The following MED1 variants were observed in gnomAD, a reference collection of about 807,000 sequenced individuals.
MED1 encodes mediator of RNA polymerase II transcription subunit 1.
Under a neutral mutation model 121.3 loss-of-function variants are expected in MED1, and 17 were observed. The ratio of observed to expected loss-of-function variants is 0.14; its 90% CI spans 0.10 to 0.21. MED1 has a LOEUF of 0.21. Ranked by LOEUF, MED1 falls within the 10% of genes least tolerant of loss-of-function variation. The pLI is 1.00. For synonymous variants in MED1, 661 were observed against 694.4 expected, an observed-to-expected ratio of 0.95 and a Z score of 0.76; for missense variants, 1,558 against 1,919.4, an observed-to-expected ratio of 0.81 and a Z score of 3.52.
In MED1 at chr17:39,409,616, A is replaced by C. The variant is rs749549049; in HGVS notation, c.2605T>G (p.Leu869Val). 1.2e-6 allele frequency: 2 copies of C among 1,614,074 alleles called. No individual in the cohort carries two copies. Among genetic ancestry groups the C allele is most frequent in the South Asian group, 2.2e-5 (2 of 91,092 alleles). ...CCACTTTGGCTCTGGCTGTTCAATA[A>C]ATCAGGATTGAAATCTACTCCATCA... ...FHDGVDFNPD[L>V]LNSQSQSGFG... Residue 869 changes from leucine to valine, a missense_variant, in exon 17 of 17, where the codon TTA becomes GTA. By Grantham distance (32) the Leu-to-Val change is conservative. This residue lies in a region of MED1 where 793 missense variants were observed against 898.2 expected (regional missense o/e 0.88). Coordinates refer to ENST00000300651, the MANE Select transcript of MED1 (RefSeq NM_004774.4).
intron 2 of MED1, among the ~76,000 whole-genome samples, chr17:39,446,324 C>T (rs901195126): frequency 2.0e-5 from 3 of 151,218 alleles, no homozygotes; most frequent in African/African-American, 7.3e-5. Flanking sequence ...GTGGCAGGGG[C>T]CTGTAGTCCC....
chr17:39,410,416 G>T lies in MED1; in HGVS notation c.1805C>A (p.Pro602Gln). The T allele has an allele frequency of 6.2e-7, 1 of 1,614,050 alleles. No individual in the cohort carries two copies. Among genetic ancestry groups the T allele is most frequent in the Non-Finnish European group, 8.5e-7 (1 of 1,180,004 alleles). ...GATTTGCAACAAACTGGTAAGAATT[G>T]GGTTCTGAGACACCTTGCTGAAGTC... Reference protein sequence around the residue: ...GEDFSKVSQNPILTSLLQITG... With the variant: ...GEDFSKVSQNQILTSLLQITG... Residue 602 changes from proline (P) to glutamine (Q), a missense_variant, in exon 17 of 17, where the codon CCA becomes CAA. Physicochemically the swap from Pro to Gln is moderately conservative, Grantham distance 76. Transcript: ENST00000300651.
rs62075012 is a variant in MED1, at chr17:39,405,457, A to G, written c.*2018T>C. Reference sequence around the variant, plus strand: ...TCAGAACAAATTTTAAAAACCACATAAATTTTTTTTTTTTTCCTGCAGAAA... The same window carrying G: ...TCAGAACAAATTTTAAAAACCACATGAATTTTTTTTTTTTTCCTGCAGAAA... On this transcript the variant is annotated 3_prime_UTR_variant, in exon 17 of 17. Transcript: ENST00000300651. 1 of 1,392,070 alleles carries G rather than the reference A, an allele frequency of 7.2e-7. No individual in the cohort carries two copies. Among genetic ancestry groups the G allele is most frequent in the Admixed American group, 3.0e-5 (1 of 33,468 alleles). The allele number at this position is 1,392,070 out of a possible 1,614,324, so 86.2% of individuals were successfully genotyped here. A position where few individuals can be genotyped will look rare whatever the true frequency, so the allele number is the denominator to read the frequency against.
chr17:39,437,004 CT>C, intron 6 of MED1, among the ~76,000 whole-genome samples: 1 of 151,740 alleles, frequency 6.6e-6, no homozygotes, highest in South Asian at 2.1e-4. Flanking sequence ...ATGATCTTGG[CT>C]CACCACAACC....
At position 39,404,682 on chromosome 17, in the gene MED1, C is replaced by T. The variant is rs2048289209; in HGVS notation, c.*2793G>A. ...TTGTGAATAATGTTTCGTATACTGA[C>T]ATCTTTAAGTGACTCAACTGTGGAT... On this transcript the variant is annotated 3_prime_UTR_variant, in exon 17 of 17. Transcript: ENST00000300651. The T allele has an allele frequency of 1.3e-5, 2 of 152,168 alleles. No individual in the cohort carries two copies. The highest frequency in any genetic ancestry group is 2.9e-5 in the Non-Finnish European group (2 of 68,032). 9.4% of individuals were successfully genotyped at this position (152,168 alleles called of 1,614,324 possible).
intron 2 of MED1, among the ~76,000 whole-genome samples, chr17:39,445,832 C>T (rs2048720800): frequency 6.6e-6 from 1 of 151,802 alleles, no homozygotes; most frequent in South Asian, 2.1e-4. Context: ...AGTTCAAGAC[C>T]AGCCTGGCTA....
chr17:39,449,613 G>C (rs1346232725), intron 1 of MED1, among the ~76,000 whole-genome samples: 1 of 149,624 alleles, frequency 6.7e-6, no homozygotes, highest in Non-Finnish European at 1.5e-5. Context: ...CCCGGGTTTG[G>C]GTGATTCTCC....
At chr17:39,431,850 A>G in intron 8 of MED1, 92 bp downstream of exon 8, 1 of 786,296 alleles carries the variant, frequency 1.3e-6, no homozygotes, top group South Asian at 1.8e-5. Flanking sequence ...ATATTATCAT[A>G]CAGGCTTAAT....
rs1205311092 is a variant in MED1 at position 39,409,382 on chromosome 17, T to C, written c.2839A>G (p.Met947Val). The change falls in exon 17 of 17, where the codon ATG becomes GTG. Residue 947 changes from methionine (M) to valine (V), a missense_variant. Coordinates refer to ENST00000300651, the MANE Select transcript of MED1 (RefSeq NM_004774.4). Reference sequence around the variant, plus strand: ...CCCTGACTACCACTGTGATGCTCCATAAGATCTGCAGGAGCTAAAGCTTTG... The same window carrying C: ...CCCTGACTACCACTGTGATGCTCCACAAGATCTGCAGGAGCTAAAGCTTTG... ...AGKALAPADL[M>V]EHHSGSQGPL... 2 of 1,613,980 alleles carry C rather than the reference T, an allele frequency of 1.2e-6. No homozygotes were observed. Among genetic ancestry groups the C allele is most frequent in the African/African-American group, 1.3e-5 (1 of 74,894 alleles).
chr17:39,443,989 C>T lies in MED1; in HGVS notation c.133-361G>A, dbSNP rs139035837. On this transcript the variant is annotated intron_variant, in intron 2 of 16. Transcript: ENST00000300651. The stretch of plus-strand genomic sequence containing the variant: ...ATTTAGTCAAAAACAAAAAAGAAAA[C>T]GTTGTATTTCCACATCTAAAACAAA... 9.7e-4 allele frequency among the ~76,000 whole-genome samples: 148 copies of T among 151,954 alleles called. 1 individual carries two copies. The highest frequency in any genetic ancestry group is 3.4e-3 in the African/African-American group (140 of 41,470).
rs933815085 is a variant in MED1 at position 39,405,891 on chromosome 17, C to A, written c.*1584G>T. The A allele has an allele frequency of 1.0e-6, 1 of 985,352 alleles. No individual in the cohort carries two copies. The highest frequency in any genetic ancestry group is 1.7e-5 in the African/African-American group (1 of 57,256). The allele number at this position is 985,352 out of a possible 1,614,324, so 61.0% of individuals were successfully genotyped here. On this transcript the variant is annotated 3_prime_UTR_variant, in exon 17 of 17. Transcript: ENST00000300651. ...TGAAGTCACTCCACTTACGACATAA[C>A]ACACAAAGGAATCACCTGGCTTTTT...
Position 39,439,178 on chromosome 17 carries a change from C to G in MED1, c.415G>C (p.Val139Leu). The G allele has an allele frequency of 6.3e-7, 1 of 1,594,610 alleles. No individual in the cohort carries two copies. The highest frequency in any genetic ancestry group is 8.5e-7 in the Non-Finnish European group (1 of 1,175,974). ...GTATTTGCTCACCTTAGCTGCTGTA[C>G]AAGCTCCGGACAGCTCTGAAATCAA... ...GENPVSCPEL[V>L]QQLREKNFDE... is the part of the protein sequence containing the mutation. The change falls in exon 6 of 17, where the codon GTA (valine) becomes CTA (leucine). Residue 139 changes from valine (V) to leucine (L), a missense_variant. Val to Leu is a conservative substitution (Grantham distance 32). Coordinates refer to ENST00000300651, the MANE Select transcript of MED1 (RefSeq NM_004774.4).
chr17:39,410,860 C>G, intron 16 of MED1, 139 bp from the exon 17 acceptor site: 1 of 1,268,946 alleles, frequency 7.9e-7, no homozygotes. Flanking sequence ...ATAGTTCTAT[C>G]AAATACCAGA....
At chr17:39,420,791 ATT>A (rs71147330) in intron 13 of MED1, among the ~76,000 whole-genome samples, 6,388 of 109,718 alleles carry the variant, frequency 0.058, 142 homozygotes, top group Non-Finnish European at 0.08. Context: ...ACATGTGCCT[ATT>A]TTTTTTTTTT....
chr17:39,437,763 C>G (rs374953410), intron 6 of MED1, among the ~76,000 whole-genome samples: 21 of 151,978 alleles, frequency 1.4e-4, no homozygotes, highest in African/African-American at 4.8e-4. Flanking sequence ...GGTGAAACCC[C>G]GTCTCTACTG....
rs569510688 is a variant in MED1, at chr17:39,421,943, A to G, written c.1095+1384T>C. Among the ~76,000 whole-genome samples, 13 of 151,572 alleles carry G rather than the reference A, an allele frequency of 8.6e-5. No homozygotes were observed. In the South Asian group the frequency reaches 1.9e-3, roughly 22 times the overall value. On this transcript the variant is annotated intron_variant, in intron 13 of 16. Coordinates refer to ENST00000300651, the MANE Select transcript of MED1 (RefSeq NM_004774.4). ...GGAGATCGAGACCATCCTGGCTAAC[A>G]TGGTGAAATCCCGTCTCTACTAAAA...
chr17:39,443,797 T>C (rs557609395), intron 2 of MED1, among the ~76,000 whole-genome samples, 169 bp from the exon 3 acceptor site: 1 of 79,070 alleles, frequency 1.3e-5, no homozygotes, highest in African/African-American at 3.9e-5. Flanking sequence ...AGTGTTACTC[T>C]GTCCATCCAT....
chr17:39,411,449 T>G (rs2048354873), intron 16 of MED1, among the ~76,000 whole-genome samples: 1 of 147,472 alleles, frequency 6.8e-6, no homozygotes, highest in African/African-American at 2.5e-5. Flanking sequence ...GGTGAAACCC[T>G]GTCTCTACTA....
At position 39,406,638 on chromosome 17, in the gene MED1, A is replaced by C; in HGVS notation, c.*837T>G. 1.0e-6 allele frequency: 1 copy of C among 983,934 alleles called. No homozygotes were observed. The allele number at this position is 983,934 out of a possible 1,614,324, so 61.0% of individuals were successfully genotyped here. A position where few individuals can be genotyped will look rare whatever the true frequency, so the allele number is the denominator to read the frequency against. On this transcript the variant is annotated 3_prime_UTR_variant, in exon 17 of 17. Transcript: ENST00000300651. ...AGAGGTAACTCCTAATATTCCTATG[A>C]TCTCTGAACCCTATTTAAACCCTCC...
Sources: gnomAD v4.1 joint callset for allele counts (sites outside exome capture counted in the v4.1 genomes callset) on GRCh38, gnomAD v4.1.1 for gene constraint, gnomAD v4.1.1 regional missense constraint, MANE v1.5 for transcripts, NCBI Gene and HGNC (gene_info 2026-07-23, HGNC 2026-07-21) for gene names.